The following DKK1 variants were observed in gnomAD, a reference collection of about 807,000 sequenced individuals.
DKK1 encodes the protein dickkopf Wnt signaling pathway inhibitor 1, also known as dickkopf-related protein 1.
DKK1 carries 18 observed loss-of-function variants against 26.0 expected under a neutral mutation model. The observed-to-expected ratio is 0.69, with a 90% CI of 0.48 to 1.03. DKK1 has a LOEUF of 1.03. DKK1 is among the 50% of genes least tolerant of loss of function. The pLI, the probability that DKK1 is intolerant of heterozygous loss-of-function variation, is 0.00. For synonymous variants in DKK1, 130 were observed against 132.6 expected (o/e 0.98, Z 0.13); for missense variants, 335 against 348.5 (o/e 0.96, Z 0.31).
Position 52,317,304 on chromosome 10 carries a change from T to C in DKK1, c.*497T>C, listed in dbSNP as rs1356516693. On this transcript the variant is annotated 3_prime_UTR_variant, in exon 4 of 4. Coordinates refer to ENST00000373970, the MANE Select transcript of DKK1 (RefSeq NM_012242.4). ...GAAAATACTAGCTTATTTTCTGAAA[T>C]GTACTATCTTAATGCTTAAATTATA... 6.4e-6 allele frequency: 1 copy of C among 155,414 alleles called. No individual in the cohort carries two copies. The highest frequency in any genetic ancestry group is 1.4e-5 in the Non-Finnish European group (1 of 70,122). The allele number at this position is 155,414 out of a possible 1,614,324, so 9.6% of individuals were successfully genotyped here. A position where few individuals can be genotyped will look rare whatever the true frequency, so the allele number is the denominator to read the frequency against.
At position 52,314,388 on chromosome 10, in the gene DKK1, A is replaced by C. The variant is rs201719044; in HGVS notation, c.-47A>C. The C allele has an allele frequency of 1.4e-5, 22 of 1,607,064 alleles. No individual in the cohort carries two copies. The highest frequency in any genetic ancestry group is 1.8e-4 in the Middle Eastern group (1 of 5,616). On this transcript the variant is annotated 5_prime_UTR_variant, in exon 1 of 4. Transcript: ENST00000373970. This position sits in a 1 kb window ranked among gnomAD's most constrained non-coding sequence, Gnocchi z 5.7. ...GTTTCGTGGGGACCCAGGCTTGCAA[A>C]GTGACGGTCATTTTCTCTTTCTTTC... is the stretch of plus-strand genomic sequence containing the variant.
rs1386370663 is a variant in DKK1 at position 52,314,760 on chromosome 10, T to C, written c.243+83T>C. ...ACGAGGGAGTAGAACGTGCTGAATG[T>C]GTGCGGTTCAGGGAGCATTTGGTAA... On this transcript the variant is annotated intron_variant, in intron 1 of 3. Coordinates refer to ENST00000373970, the MANE Select transcript of DKK1 (RefSeq NM_012242.4). This position sits in a 1 kb window ranked among gnomAD's most constrained non-coding sequence, Gnocchi z 5.7. 3 of 1,564,782 alleles carry C rather than the reference T, an allele frequency of 1.9e-6. No homozygotes were observed. The highest frequency in any genetic ancestry group is 2.6e-6 in the Non-Finnish European group (3 of 1,154,696).
Position 52,314,419 on chromosome 10 carries a change from C to CTT in DKK1, c.-15_-14dup, listed in dbSNP as rs776563337. ...GGTCATTTTCTCTTTCTTTCTCCCT[C>CTT]TTGAGTCCTTCTGAGATGATGGCTC... is the stretch of plus-strand genomic sequence containing the variant. On this transcript the variant is annotated 5_prime_UTR_variant, in exon 1 of 4. Coordinates refer to ENST00000373970, the MANE Select transcript of DKK1 (RefSeq NM_012242.4). This position sits in a 1 kb window ranked among gnomAD's most constrained non-coding sequence, Gnocchi z 5.7. The CTT allele has an allele frequency of 8.1e-6, 13 of 1,613,630 alleles. No homozygotes were observed. The highest frequency in any genetic ancestry group is 1.3e-5 in the African/African-American group (1 of 75,060).
chr10:52,315,752 A>G (rs1324663121), intron 2 of DKK1, among the ~76,000 whole-genome samples: 3 of 152,160 alleles, frequency 2.0e-5, no homozygotes, highest in Non-Finnish European at 4.4e-5. Context: ...AGGTCTCCAG[A>G]AATAAGCTAA....
At position 52,316,860 on chromosome 10, in the gene DKK1, C is replaced by A; in HGVS notation, c.*53C>A. The stretch of plus-strand genomic sequence containing the variant: ...TTTTATATAATAGATGCTATGAAAA[C>A]CTTTTATGACCTTCATCAACTCAAT... On this transcript the variant is annotated 3_prime_UTR_variant, in exon 4 of 4. Coordinates refer to ENST00000373970, the MANE Select transcript of DKK1 (RefSeq NM_012242.4). 3 of 1,568,654 alleles carry A rather than the reference C, an allele frequency of 1.9e-6. No individual in the cohort carries two copies. The highest frequency in any genetic ancestry group is 2.6e-6 in the Non-Finnish European group (3 of 1,153,424).
chr10:52,315,063 C>T lies in DKK1; in HGVS notation c.384C>T (p.Cys128=). ...RKRCMRHAMC[C]PGNYCKNGIC... is the part of the protein sequence containing the mutation. ...GCTGCATGCGTCACGCTATGTGCTGCCCCGGGAATTACTGCAAAAATGGTG... is the reference window on the plus strand; with the variant it reads ...GCTGCATGCGTCACGCTATGTGCTGTCCCGGGAATTACTGCAAAAATGGTG... The change falls in exon 2 of 4, where the codon TGC becomes TGT. Residue 128 remains cysteine, a synonymous_variant. Coordinates refer to ENST00000373970, the MANE Select transcript of DKK1 (RefSeq NM_012242.4). 1 of 1,567,152 alleles carries T rather than the reference C, an allele frequency of 6.4e-7. No individual in the cohort carries two copies. Among genetic ancestry groups the T allele is most frequent in the Non-Finnish European group, 8.7e-7 (1 of 1,149,136 alleles).
rs1300861759 is a variant in DKK1 at position 52,314,701 on chromosome 10, G to A, written c.243+24G>A. On this transcript the variant is annotated intron_variant, in intron 1 of 3. Coordinates refer to ENST00000373970, the MANE Select transcript of DKK1 (RefSeq NM_012242.4). The surrounding 1 kb of genome is among the most constrained non-coding windows in gnomAD (Gnocchi z 5.7). ...AGGTGAGAGGGGTCGGGCACTCAGA[G>A]GATGCTCTGACCTTGAAAGGGTCCT... 1.2e-6 allele frequency: 2 copies of A among 1,609,102 alleles called. No individual in the cohort carries two copies. The highest frequency in any genetic ancestry group is 1.7e-6 in the Non-Finnish European group (2 of 1,177,452).
chr10:52,314,894 C>G lies in DKK1; in HGVS notation c.244-29C>G. 6.8e-7 allele frequency: 1 copy of G among 1,475,528 alleles called. No individual in the cohort carries two copies. Among genetic ancestry groups the G allele is most frequent in the South Asian group, 1.4e-5 (1 of 72,164 alleles). The allele number at this position is 1,475,528 out of a possible 1,614,324, so 91.4% of individuals were successfully genotyped here. ...GGCGGGTACCTGGACGTCTGGGTGC[C>G]TCACCCTCTCCCCGAACCCTTCCCA... On this transcript the variant is annotated intron_variant, in intron 1 of 3. Coordinates refer to ENST00000373970, the MANE Select transcript of DKK1 (RefSeq NM_012242.4). This position sits in a 1 kb window ranked among gnomAD's most constrained non-coding sequence, Gnocchi z 5.7.
At chr10:52,315,630 T>A (rs1842609152) in intron 2 of DKK1, among the ~76,000 whole-genome samples, 1 of 152,172 alleles carries the variant, frequency 6.6e-6, no homozygotes, top group African/African-American at 2.4e-5. Context: ...ACTTGACTTC[T>A]CCATCCTTCC....
At chr10:52,315,137 C>A in intron 2 of DKK1, 52 bp downstream of exon 2, 2 of 501,898 alleles carry the variant, frequency 4.0e-6, no homozygotes, top group Non-Finnish European at 5.1e-6. Flanking sequence ...CTTTGAGCGT[C>A]TATGAATTGG....
At position 52,314,302 on chromosome 10, in the gene DKK1, A is replaced by G. The variant is rs574378457; in HGVS notation, c.-133A>G. ...CGGCGCAGAGCTCTGTGCTCCCTGC[A>G]GTCAGGACTCTGGGACCGCAGGGGG... On this transcript the variant is annotated 5_prime_UTR_variant, in exon 1 of 4. Coordinates refer to ENST00000373970, the MANE Select transcript of DKK1 (RefSeq NM_012242.4). The surrounding 1 kb of genome is among the most constrained non-coding windows in gnomAD (Gnocchi z 5.7). 2.2e-4 allele frequency: 299 copies of G among 1,350,858 alleles called. 1 individual carries two copies. Among genetic ancestry groups the G allele is most frequent in the Non-Finnish European group, 2.9e-4 (283 of 984,528 alleles). 83.7% of individuals were successfully genotyped at this position (1,350,858 alleles called of 1,614,324 possible).
Position 52,316,850 on chromosome 10 carries a change from G to C in DKK1, c.*43G>C. On this transcript the variant is annotated 3_prime_UTR_variant, in exon 4 of 4. Transcript: ENST00000373970. ...AGTGAACTCCTTTTATATAATAGAT[G>C]CTATGAAAACCTTTTATGACCTTCA... The C allele has an allele frequency of 6.3e-7, 1 of 1,595,208 alleles. No individual in the cohort carries two copies. Among genetic ancestry groups the C allele is most frequent in the Non-Finnish European group, 8.5e-7 (1 of 1,170,632 alleles).
rs764495038 is a variant in DKK1, at chr10:52,316,351, A to G, written c.463A>G (p.Thr155Ala). 4.6e-5 allele frequency: 75 copies of G among 1,614,096 alleles called. No individual in the cohort carries two copies. The East Asian group carries it at 1.6e-3, about 35-fold the overall frequency. ...HFRGEIEETI[T>A]ESFGNDHSTL... ...CCGAGGAGAAATTGAGGAAACCATCACTGAAAGCTTTGGTAATGATCATAG... is the reference window on the plus strand; with the variant it reads ...CCGAGGAGAAATTGAGGAAACCATCGCTGAAAGCTTTGGTAATGATCATAG... Residue 155 changes from threonine to alanine, a missense_variant, in exon 3 of 4, where the codon ACT (threonine) becomes GCT (alanine). Transcript: ENST00000373970.
rs1842596176 is a variant in DKK1 at position 52,314,501 on chromosome 10, G to C, written c.67G>C (p.Gly23Arg). 3 of 1,613,660 alleles carry C rather than the reference G, an allele frequency of 1.9e-6. No individual in the cohort carries two copies. The East Asian group carries it at 6.7e-5, about 36-fold the overall frequency. ...CGCGATGGTAGCGGCGGCTCTCGGC[G>C]GCCACCCTCTGCTGGGAGTGAGCGC... ...FVAMVAAALG[G>R]HPLLGVSATL... Residue 23 changes from glycine (G) to arginine (R), a missense_variant, in exon 1 of 4, where the codon GGC (glycine) becomes CGC (arginine). Physicochemically the swap from Gly to Arg is moderately radical, Grantham distance 125. Transcript: ENST00000373970. The surrounding 1 kb of genome is among the most constrained non-coding windows in gnomAD (Gnocchi z 5.7).
At position 52,316,529 on chromosome 10, in the gene DKK1, T is replaced by C. The variant is rs564328300; in HGVS notation, c.548-25T>C. 5.6e-6 allele frequency: 9 copies of C among 1,612,588 alleles called. No homozygotes were observed. In the East Asian group the frequency reaches 1.8e-4, roughly 32 times the overall value. On this transcript the variant is annotated intron_variant, in intron 3 of 3. Coordinates refer to ENST00000373970, the MANE Select transcript of DKK1 (RefSeq NM_012242.4). Reference sequence around the variant, plus strand: ...AGGTTTAACAGTAACTATGTACTTTTTTCCTACTGTCTTCTCCTTCGTAGG... The same window carrying C: ...AGGTTTAACAGTAACTATGTACTTTCTTCCTACTGTCTTCTCCTTCGTAGG...
At position 52,316,673 on chromosome 10, in the gene DKK1, C is replaced by G. The variant is rs1400088508; in HGVS notation, c.667C>G (p.His223Asp). 2 of 1,614,072 alleles carry G rather than the reference C, an allele frequency of 1.2e-6. No homozygotes were observed. Among genetic ancestry groups the G allele is most frequent in the Admixed American group, 3.3e-5 (2 of 60,018 alleles). Reference sequence around the variant, plus strand: ...GAAAGAAGGTCAAGTGTGTACCAAGCATAGGAGAAAAGGCTCTCATGGACT... The same window carrying G: ...GAAAGAAGGTCAAGTGTGTACCAAGGATAGGAGAAAAGGCTCTCATGGACT... ...VLKEGQVCTK[H>D]RRKGSHGLEI... is the part of the protein sequence containing the mutation. Residue 223 changes from histidine (H) to aspartate (D), a missense_variant, in exon 4 of 4, where the codon CAT becomes GAT. Coordinates refer to ENST00000373970, the MANE Select transcript of DKK1 (RefSeq NM_012242.4).
rs1564557036 is a variant in DKK1, at chr10:52,316,693, T to TG, written c.689dup (p.Leu231ThrfsTer26). The stretch of plus-strand genomic sequence containing the variant: ...CCAAGCATAGGAGAAAAGGCTCTCA[T>TG]GGACTAGAAATATTCCAGCGTTGTT... On this transcript the variant is annotated frameshift_variant, in exon 4 of 4. Coordinates refer to ENST00000373970, the MANE Select transcript of DKK1 (RefSeq NM_012242.4). LOFTEE classifies it high-confidence loss of function. 1 of 1,614,054 alleles carries TG rather than the reference T, an allele frequency of 6.2e-7. No homozygotes were observed. The highest frequency in any genetic ancestry group is 1.3e-5 in the African/African-American group (1 of 74,942).
Position 52,314,393 on chromosome 10 carries a change from C to A in DKK1, c.-42C>A. On this transcript the variant is annotated 5_prime_UTR_variant, in exon 1 of 4. Transcript: ENST00000373970. The surrounding 1 kb of genome is among the most constrained non-coding windows in gnomAD (Gnocchi z 5.7). Reference sequence around the variant, plus strand: ...GTGGGGACCCAGGCTTGCAAAGTGACGGTCATTTTCTCTTTCTTTCTCCCT... The same window carrying A: ...GTGGGGACCCAGGCTTGCAAAGTGAAGGTCATTTTCTCTTTCTTTCTCCCT... 6.2e-7 allele frequency: 1 copy of A among 1,608,120 alleles called. No individual in the cohort carries two copies. The highest frequency in any genetic ancestry group is 1.1e-5 in the South Asian group (1 of 90,744).
chr10:52,314,404 T>C lies in DKK1; in HGVS notation c.-31T>C. 6.2e-7 allele frequency: 1 copy of C among 1,610,472 alleles called. No individual in the cohort carries two copies. The highest frequency in any genetic ancestry group is 1.7e-5 in the Admixed American group (1 of 59,882). On this transcript the variant is annotated 5_prime_UTR_variant, in exon 1 of 4. Coordinates refer to ENST00000373970, the MANE Select transcript of DKK1 (RefSeq NM_012242.4). This position sits in a 1 kb window ranked among gnomAD's most constrained non-coding sequence, Gnocchi z 5.7. ...GGCTTGCAAAGTGACGGTCATTTTCTCTTTCTTTCTCCCTCTTGAGTCCTT... is the reference window on the plus strand; with the variant it reads ...GGCTTGCAAAGTGACGGTCATTTTCCCTTTCTTTCTCCCTCTTGAGTCCTT...
Sources: gnomAD v4.1 joint callset for allele counts (sites outside exome capture counted in the v4.1 genomes callset) on GRCh38, gnomAD v4.1.1 for gene constraint, Gnocchi (gnomAD v3.1) non-coding constraint, MANE v1.5 for transcripts, NCBI Gene and HGNC (gene_info 2026-07-23, HGNC 2026-07-21) for gene names.